The following PDE3A variants were observed in gnomAD, a reference collection of about 807,000 sequenced individuals.
PDE3A encodes the protein cGMP-inhibited 3',5'-cyclic phosphodiesterase 3A.
Under a neutral mutation model 98.3 loss-of-function variants are expected in PDE3A, and 43 were observed. The observed-to-expected ratio is 0.44, with a 90% CI of 0.34 to 0.56. The LOEUF (loss-of-function observed/expected upper bound fraction) is 0.56. Ranked by LOEUF, PDE3A falls within the 20% of genes least tolerant of loss-of-function variation. PDE3A has a pLI of 0.01. For synonymous variants in PDE3A, 663 were observed against 567.9 expected (o/e 1.17, Z -2.38); for missense variants, 1,427 against 1,440.7 (o/e 0.99, Z 0.15).
chr12:20,609,280 G>A (rs756083226), intron 2 of PDE3A, among the ~76,000 whole-genome samples: 24 of 151,904 alleles, frequency 1.6e-4, no homozygotes, highest in Middle Eastern at 3.4e-3. Context: ...ATACAAATAA[G>A]TCCCTAGCTG....
At chr12:20,578,206 A>T (rs1281621631) in intron 2 of PDE3A, among the ~76,000 whole-genome samples, 1 of 152,092 alleles carries the variant, frequency 6.6e-6, no homozygotes, top group East Asian at 1.9e-4. Context: ...TATATTCTTT[A>T]TGATCTTTAT....
chr12:20,458,259 C>T (rs1330309207), intron 1 of PDE3A, among the ~76,000 whole-genome samples: 1 of 151,946 alleles, frequency 6.6e-6, no homozygotes, highest in Non-Finnish European at 1.5e-5. Context: ...TCATATATGC[C>T]TCTGCAGTTC....
chr12:20,424,307 G>A (rs887151209), intron 1 of PDE3A, among the ~76,000 whole-genome samples: 2 of 152,006 alleles, frequency 1.3e-5, no homozygotes, highest in Non-Finnish European at 2.9e-5. Context: ...TTTGGAGAGC[G>A]GATAATTTAC....
chr12:20,650,538 G>C lies in PDE3A; in HGVS notation c.2863G>C (p.Ala955Pro). ...CIKLADINGPAKCKELHLQWT... is the reference protein window; with the variant it reads ...CIKLADINGPPKCKELHLQWT... ...AAAGTTGGCTGATATCAATGGTCCA[G>C]CTAAATGTAAAGAACTCCATCTTCA... is the stretch of plus-strand genomic sequence containing the variant. The change falls in exon 14 of 16, where the codon GCT (alanine) becomes CCT (proline). Residue 955 changes from alanine to proline, a missense_variant. Transcript: ENST00000359062. 6.2e-7 allele frequency: 1 copy of C among 1,611,920 alleles called. No individual in the cohort carries two copies. Among genetic ancestry groups the C allele is most frequent in the South Asian group, 1.1e-5 (1 of 91,002 alleles).
intron 1 of PDE3A, among the ~76,000 whole-genome samples, chr12:20,515,788 A>T (rs1436303426): frequency 6.6e-6 from 1 of 150,502 alleles, no homozygotes; most frequent in Non-Finnish European, 1.5e-5. Context: ...GCTGGAGTGC[A>T]GTGGCGGGAT....
intron 4 of PDE3A, among the ~76,000 whole-genome samples, chr12:20,617,067 C>G (rs1944025332): frequency 6.6e-6 from 1 of 152,098 alleles, no homozygotes; most frequent in African/African-American, 2.4e-5. Flanking sequence ...TTACTTTATT[C>G]AAATTCATTA....
intron 1 of PDE3A, among the ~76,000 whole-genome samples, chr12:20,444,443 T>A (rs1944920642): frequency 1.3e-5 from 2 of 152,208 alleles, no homozygotes; most frequent in Admixed American, 1.3e-4. Context: ...AATGAATTGG[T>A]TGTATTAATT....
intron 1 of PDE3A, among the ~76,000 whole-genome samples, chr12:20,430,420 A>G (rs1269878249): frequency 6.6e-6 from 1 of 152,178 alleles, no homozygotes; most frequent in Non-Finnish European, 1.5e-5. Context: ...ATAACTTGGT[A>G]TCATCCCTTA....
At chr12:20,646,353 T>C in intron 10 of PDE3A, 137 bp from the exon 11 acceptor site, 1 of 603,990 alleles carries the variant, frequency 1.7e-6, no homozygotes, top group Non-Finnish European at 3.0e-6. Context: ...CAAATAATAT[T>C]TGTCCTAGAA....
At chr12:20,583,613 T>G (rs755329781) in intron 2 of PDE3A, among the ~76,000 whole-genome samples, 10 of 152,176 alleles carry the variant, frequency 6.6e-5, no homozygotes, top group Admixed American at 1.3e-4. Flanking sequence ...TGAGCTAATC[T>G]GTAAAATACA....
intron 1 of PDE3A, among the ~76,000 whole-genome samples, chr12:20,510,646 A>G (rs1308769655): frequency 6.6e-6 from 1 of 152,034 alleles, no homozygotes; most frequent in Non-Finnish European, 1.5e-5. Context: ...AAGGGAGTGT[A>G]ACTCCCAGAT....
At chr12:20,610,009 C>T (rs1273671795) in intron 2 of PDE3A, among the ~76,000 whole-genome samples, 3 of 151,732 alleles carry the variant, frequency 2.0e-5, no homozygotes, top group African/African-American at 7.3e-5. Context: ...GGATAACACA[C>T]CAAAATCTCA....
chr12:20,411,647 A>G (rs1666139162), intron 1 of PDE3A, among the ~76,000 whole-genome samples: 3 of 145,426 alleles, frequency 2.1e-5, no homozygotes, highest in South Asian at 4.7e-4. Flanking sequence ...TACTGTCATA[A>G]TCTGTAATGC....
chr12:20,627,421 C>G (rs1037220168), intron 5 of PDE3A, among the ~76,000 whole-genome samples: 5 of 151,252 alleles, frequency 3.3e-5, no homozygotes, highest in African/African-American at 1.2e-4. Context: ...CCTCTTTTTG[C>G]TTTTTGCTAA....
intron 1 of PDE3A, among the ~76,000 whole-genome samples, chr12:20,501,004 G>A (rs970229420): frequency 6.6e-6 from 1 of 152,092 alleles, no homozygotes; most frequent in Non-Finnish European, 1.5e-5. Context: ...CTGAGCTCAA[G>A]CAATCTGCCC....
chr12:20,446,633 C>G (rs774842221), intron 1 of PDE3A, among the ~76,000 whole-genome samples: 1 of 152,128 alleles, frequency 6.6e-6, no homozygotes, highest in Non-Finnish European at 1.5e-5. Context: ...TACTATGTGC[C>G]AGACTCTACC....
At chr12:20,581,592 A>G (rs981783196) in intron 2 of PDE3A, among the ~76,000 whole-genome samples, 1 of 149,752 alleles carries the variant, frequency 6.7e-6, no homozygotes, top group South Asian at 2.1e-4. Context: ...TAGTATGTAC[A>G]TGTACATAGA....
intron 2 of PDE3A, among the ~76,000 whole-genome samples, chr12:20,598,193 ATTATT>A (rs1449164310): frequency 6.6e-6 from 1 of 151,182 alleles, no homozygotes; most frequent in Non-Finnish European, 1.5e-5. Flanking sequence ...TATTATTATT[ATTATT>A]TTGAGATGGA....
At chr12:20,671,390 C>G (rs1945477034) in intron 15 of PDE3A, among the ~76,000 whole-genome samples, 2 of 151,972 alleles carry the variant, frequency 1.3e-5, no homozygotes, top group African/African-American at 4.8e-5. Flanking sequence ...GGCAGAGACA[C>G]AACAAAAAAA....
Sources: gnomAD v4.1 joint callset for allele counts (sites outside exome capture counted in the v4.1 genomes callset) on GRCh38, gnomAD v4.1.1 for gene constraint, MANE v1.5 for transcripts, NCBI Gene and HGNC (gene_info 2026-07-23, HGNC 2026-07-21) for gene names.